The following RBMS3 variants were observed in gnomAD, a reference collection of about 807,000 sequenced individuals.
The protein encoded by RBMS3 is RNA-binding motif, single-stranded-interacting protein 3.
In RBMS3, 27 loss-of-function variants were observed where a neutral mutation model predicts 66.8. The ratio of observed to expected loss-of-function variants is 0.40; its 90% CI spans 0.30 to 0.56. RBMS3 has a LOEUF of 0.56. Among genes scored for constraint, RBMS3 ranks in the 20% least tolerant of loss-of-function variants. The pLI, the probability that RBMS3 is intolerant of heterozygous loss-of-function variation, is 0.40. For synonymous variants in RBMS3, 188 were observed against 183.0 expected (o/e 1.03, Z -0.22); for missense variants, 513 against 549.5 (o/e 0.93, Z 0.66).
chr3:29,985,410 A>G (rs1232678452), intron 12 of RBMS3, among the ~76,000 whole-genome samples: 1 of 151,902 alleles, frequency 6.6e-6, no homozygotes, highest in Non-Finnish European at 1.5e-5. Flanking sequence ...GTATGAAAAA[A>G]AAAAGCTGCA....
At chr3:29,711,912 A>G (rs527823841) in intron 4 of RBMS3, among the ~76,000 whole-genome samples, 1 of 152,340 alleles carries the variant, frequency 6.6e-6, no homozygotes, top group Non-Finnish European at 1.5e-5. Context: ...ATTAAAGGTT[A>G]AAAATTCAAT....
intron 4 of RBMS3, among the ~76,000 whole-genome samples, chr3:29,704,602 T>C (rs2052788463): frequency 6.6e-6 from 1 of 152,188 alleles, no homozygotes; most frequent in Non-Finnish European, 1.5e-5. Context: ...ATAAAATACA[T>C]GTAAAGTAGC....
intron 2 of RBMS3, among the ~76,000 whole-genome samples, chr3:29,462,609 A>T (rs1250174770): frequency 6.6e-6 from 1 of 152,220 alleles, no homozygotes; most frequent in East Asian, 1.9e-4. Flanking sequence ...AGTGTTACTC[A>T]GACCTTAGAA....
chr3:29,494,005 G>A (rs184295678), intron 3 of RBMS3, among the ~76,000 whole-genome samples: 2 of 152,250 alleles, frequency 1.3e-5, no homozygotes, highest in African/African-American at 2.4e-5. Context: ...TCCAGGCAAA[G>A]GCTATACAAT....
intron 6 of RBMS3, among the ~76,000 whole-genome samples, chr3:29,842,121 A>G (rs1222003513): frequency 6.6e-6 from 1 of 152,120 alleles, no homozygotes; most frequent in Non-Finnish European, 1.5e-5. Flanking sequence ...ATCTTTGCCC[A>G]GTAAAATGAG....
chr3:29,826,912 A>T (rs1335566499), intron 6 of RBMS3, among the ~76,000 whole-genome samples: 1 of 152,196 alleles, frequency 6.6e-6, no homozygotes, highest in Non-Finnish European at 1.5e-5. Flanking sequence ...TGATGACAAG[A>T]CACATTTCTA....
At chr3:29,372,520 GAA>G (rs10708606) in intron 1 of RBMS3, among the ~76,000 whole-genome samples, 3 of 151,328 alleles carry the variant, frequency 2.0e-5, no homozygotes, top group African/African-American at 4.9e-5. Context: ...GGAAACTATT[GAA>G]AAAAAAAATA....
At chr3:29,809,662 G>A (rs1344727124) in intron 6 of RBMS3, among the ~76,000 whole-genome samples, 1 of 151,824 alleles carries the variant, frequency 6.6e-6, no homozygotes, top group African/African-American at 2.4e-5. Flanking sequence ...CTCTTGCAAG[G>A]CTGTCACTAT....
intron 4 of RBMS3, among the ~76,000 whole-genome samples, chr3:29,670,723 A>G (rs868535618): frequency 3.8e-4 from 58 of 152,306 alleles, no homozygotes; most frequent in Middle Eastern, 3.4e-3. Context: ...TCCACTGCTG[A>G]GGCTTGAGTA....
At chr3:29,994,011 C>A (rs1699052409) in intron 14 of RBMS3, among the ~76,000 whole-genome samples, 1 of 151,914 alleles carries the variant, frequency 6.6e-6, no homozygotes, top group Admixed American at 6.6e-5. Context: ...GCATTTCCAT[C>A]TGATGTACCG....
chr3:29,384,423 T>TAAGAAGAAGAAGAAGAAGAAGAAG (rs2038909320), intron 1 of RBMS3, among the ~76,000 whole-genome samples: 2 of 97,126 alleles, frequency 2.1e-5, no homozygotes, highest in African/African-American at 7.0e-5. Context: ...ACACCAATAA[T>TAAGAAGAAGAAGAAGAAGAAGAAG]AATAATAATA....
intron 6 of RBMS3, among the ~76,000 whole-genome samples, chr3:29,807,446 T>A (rs1322884990): frequency 1.3e-5 from 2 of 151,928 alleles, no homozygotes; most frequent in Non-Finnish European, 2.9e-5. Context: ...ATGCATAACC[T>A]ATTGACCCAA....
intron 3 of RBMS3, among the ~76,000 whole-genome samples, chr3:29,582,258 G>A (rs138507192): frequency 3.9e-5 from 6 of 152,064 alleles, no homozygotes; most frequent in Admixed American, 2.0e-4. Context: ...AATAAAAATA[G>A]CAAAACTTTA....
intron 11 of RBMS3, 44 bp from the exon 12 acceptor site, chr3:29,944,163 T>C: frequency 6.6e-7 from 1 of 1,517,274 alleles, no homozygotes; most frequent in Non-Finnish European, 9.1e-7. Flanking sequence ...TTTATTTTCT[T>C]TTGTACTTCA....
intron 6 of RBMS3, among the ~76,000 whole-genome samples, chr3:29,868,231 A>T (rs2059406996): frequency 6.6e-6 from 1 of 151,666 alleles, no homozygotes; most frequent in Non-Finnish European, 1.5e-5. Context: ...CACAAGTTAT[A>T]GCCATATCCT....
intron 4 of RBMS3, among the ~76,000 whole-genome samples, chr3:29,632,888 C>T (rs545085188): frequency 1.3e-5 from 2 of 151,834 alleles, no homozygotes; most frequent in African/African-American, 4.8e-5. Flanking sequence ...TTTCTACTGG[C>T]ACTTTTTAAT....
intron 1 of RBMS3, among the ~76,000 whole-genome samples, chr3:29,288,084 A>T (rs2125417886): frequency 6.6e-6 from 1 of 152,184 alleles, no homozygotes; most frequent in East Asian, 1.9e-4. Flanking sequence ...AAAAGTAAGG[A>T]TAATAAAAGA....
intron 3 of RBMS3, among the ~76,000 whole-genome samples, chr3:29,514,937 C>G (rs2148962309): frequency 6.6e-6 from 1 of 152,032 alleles, no homozygotes; most frequent in African/African-American, 2.4e-5. Context: ...TACAGAGGCC[C>G]TTCGAGGTAG....
chr3:29,697,432 T>C (rs2052330610), intron 4 of RBMS3, among the ~76,000 whole-genome samples: 1 of 152,190 alleles, frequency 6.6e-6, no homozygotes, highest in South Asian at 2.1e-4. Flanking sequence ...CCCGGTTTAC[T>C]TTTCTTTCCA....
Sources: allele counts gnomAD v4.1 joint callset (sites outside exome capture counted in the v4.1 genomes callset), GRCh38; gene constraint gnomAD v4.1.1; transcripts MANE v1.5; gene names NCBI Gene and HGNC (gene_info 2026-07-23, HGNC 2026-07-21).